Variants in CASP1 observed in about 807,000 individuals in gnomAD.
The protein encoded by CASP1 is caspase 1.
Under a neutral mutation model 41.2 loss-of-function variants are expected in CASP1, and 31 were observed. That is an observed-to-expected ratio of 0.75 (90% CI 0.57 to 1.02). The LOEUF (loss-of-function observed/expected upper bound fraction) is 1.02, where lower values mean the gene tolerates loss of function less well. Among genes scored for constraint, CASP1 ranks in the 50% least tolerant of loss-of-function variants. CASP1 has a pLI of 0.00. For missense variants in CASP1, 490 were observed against 495.7 expected, an observed-to-expected ratio of 0.99 and a Z score of 0.11; for synonymous variants, 163 against 166.5, an observed-to-expected ratio of 0.98 and a Z score of 0.16.
intron 6 of CASP1, 128 bp from the exon 7 acceptor site, chr11:105,029,395 G>T (rs1453676365): frequency 1.1e-5 from 8 of 745,788 alleles, no homozygotes; most frequent in African/African-American, 1.8e-5. Context: ...ATAGACACAT[G>T]CATTTCAGTT....
At chr11:105,030,066 T>C (rs1215442123) in intron 5 of CASP1, among the ~76,000 whole-genome samples, 167 bp from the exon 6 acceptor site, 1 of 152,138 alleles carries the variant, frequency 6.6e-6, no homozygotes, top group Non-Finnish European at 1.5e-5. Flanking sequence ...AGGAAAGTGT[T>C]ATAGGAAGTC....
rs537413506 is a variant in CASP1, at chr11:105,027,728, A to C, written c.1007-777T>G. Among the ~76,000 whole-genome samples, 3 of 152,228 alleles carry C rather than the reference A, an allele frequency of 2.0e-5. No individual in the cohort carries two copies. The South Asian group carries it at 6.2e-4, about 32-fold the overall frequency. On this transcript the variant is annotated intron_variant, in intron 7 of 8. Transcript: ENST00000533400. ...CTATCTCAGCTAAATGAAGCCTTTA[A>C]CTGAGACTTGTTCTAGTAAAAGGAA... is the stretch of plus-strand genomic sequence containing the variant.
intron 4 of CASP1, 96 bp downstream of exon 4, chr11:105,031,069 T>G (rs929788371): frequency 2.8e-6 from 2 of 723,390 alleles, no homozygotes; most frequent in Non-Finnish European, 5.1e-6. Context: ...CCAGAACTGC[T>G]CAATGAGGTT....
intron 5 of CASP1, 130 bp from the exon 6 acceptor site, chr11:105,030,029 A>C (rs2134831205): frequency 1.4e-6 from 1 of 735,268 alleles, no homozygotes; most frequent in Non-Finnish European, 2.2e-6. Flanking sequence ...CCAAAAAAAA[A>C]TTTAGTCTTA....
In CASP1 at chr11:105,029,697, G is replaced by T; in HGVS notation, c.830C>A (p.Pro277Gln). 1 of 1,613,458 alleles carries T rather than the reference G, an allele frequency of 6.2e-7. No individual in the cohort carries two copies. The highest frequency in any genetic ancestry group is 8.5e-7 in the Non-Finnish European group (1 of 1,179,630). The change falls in exon 6 of 9, where the codon CCG becomes CAG. Residue 277 changes from proline to glutamine, a missense_variant. By Grantham distance (76) the Pro-to-Gln change is moderately conservative. Coordinates refer to ENST00000533400, the MANE Select transcript of CASP1 (RefSeq NM_001257118.3). ...GCAGGCCTGGATGATGATCACCTTCGGTTTGTCCTTCAAACTTGGGCAGTT... is the reference window on the plus strand; with the variant it reads ...GCAGGCCTGGATGATGATCACCTTCTGTTTGTCCTTCAAACTTGGGCAGTT... ...TKNCPSLKDK[P>Q]KVIIIQACRG...
At chr11:105,035,618 G>GTTTTTTTTTTTTGTTTTTTTTTTT (rs1555005465), upstream of CASP1, among the ~76,000 whole-genome samples, 1 of 103,438 alleles carries the variant, frequency 9.7e-6, no homozygotes, top group Non-Finnish European at 1.8e-5. Flanking sequence ...TTTTCTTTCT[G>GTTTTTTTTTTTTGTTTTTTTTTTT]TTTTTTTTTT....
intron 3 of CASP1, among the ~76,000 whole-genome samples, chr11:105,031,532 G>C (rs2134843640): frequency 6.6e-6 from 1 of 152,198 alleles, no homozygotes; most frequent in East Asian, 1.9e-4. Context: ...AAGCATTTTA[G>C]ATACTAACAT....
rs60332715 is a variant in CASP1, at chr11:105,025,621, TA to T, written c.*636del. 4.4e-3 allele frequency: 1,480 copies of T among 337,874 alleles called. 3 individuals carry two copies. The highest frequency in any genetic ancestry group is 0.019 in the Middle Eastern group (39 of 2,034). 20.9% of individuals were successfully genotyped at this position (337,874 alleles called of 1,614,324 possible). ...ACTTCCTATGAGAAAAAGAAATAAT[TA>T]AAAAAAAAAACATAGGAAAGAATTT... On this transcript the variant is annotated 3_prime_UTR_variant, in exon 9 of 9. Transcript: ENST00000533400.
intron 4 of CASP1, 46 bp downstream of exon 4, chr11:105,031,119 A>G (rs1246648009): frequency 2.8e-6 from 3 of 1,072,070 alleles, no homozygotes; most frequent in Non-Finnish European, 4.4e-6. Context: ...AACTGCCTGA[A>G]GTGTTTCTTT....
chr11:105,033,190 T>C, intron 2 of CASP1, 64 bp from the exon 3 acceptor site: 1 of 864,788 alleles, frequency 1.2e-6, no homozygotes, highest in South Asian at 1.4e-5. Context: ...TACCCCAATC[T>C]GTAAAACACT....
At chr11:105,034,564 A>G in intron 1 of CASP1, 90 bp from the exon 2 acceptor site, 2 of 1,571,698 alleles carry the variant, frequency 1.3e-6, no homozygotes, top group Non-Finnish European at 1.7e-6. Context: ...TTTAGATTTC[A>G]TCAGTGAAAT....
chr11:105,025,635 T>C lies in CASP1; in HGVS notation c.*623A>G, dbSNP rs1278528282. The C allele has an allele frequency of 2.6e-6, 1 of 380,578 alleles. No homozygotes were observed. Among genetic ancestry groups the C allele is most frequent in the East Asian group, 7.9e-5 (1 of 12,656 alleles). The allele number at this position is 380,578 out of a possible 1,614,324, so 23.6% of individuals were successfully genotyped here. ...AAAGAAATAATTAAAAAAAAAAACA[T>C]AGGAAAGAATTTTGTTAAAGACATG... On this transcript the variant is annotated 3_prime_UTR_variant, in exon 9 of 9. Coordinates refer to ENST00000533400, the MANE Select transcript of CASP1 (RefSeq NM_001257118.3).
chr11:105,026,590 T>TA, intron 8 of CASP1: 1 of 601,288 alleles, frequency 1.7e-6, no homozygotes, highest in Non-Finnish European at 2.9e-6. Context: ...ACAGGTAAAT[T>TA]AGAGTCCATT....
intron 8 of CASP1, 32 bp from the exon 9 acceptor site, chr11:105,026,388 T>A: frequency 7.0e-7 from 1 of 1,429,374 alleles, no homozygotes; most frequent in South Asian, 1.2e-5. Context: ...GTAGCCCTTT[T>A]TTTTGCTGAG....
intron 1 of CASP1, 96 bp from the exon 2 acceptor site, chr11:105,034,570 G>A: frequency 1.3e-6 from 2 of 1,564,156 alleles, no homozygotes; most frequent in Non-Finnish European, 1.7e-6. Context: ...TTTCATCAGT[G>A]AAATGTCCCC....
Position 105,034,207 on chromosome 11 carries a change from C to T in CASP1, c.274+1G>A, listed in dbSNP as rs1220660380. The T allele has an allele frequency of 6.2e-7, 1 of 1,614,072 alleles. No homozygotes were observed. Among genetic ancestry groups the T allele is most frequent in the South Asian group, 1.1e-5 (1 of 91,084 alleles). On this transcript the variant is annotated splice_donor_variant, in intron 2 of 8. Coordinates refer to ENST00000533400, the MANE Select transcript of CASP1 (RefSeq NM_001257118.3). LOFTEE classifies it high-confidence loss of function. The stretch of plus-strand genomic sequence containing the variant: ...CTTGAGTGTAAGTCACTGACCCTTA[C>T]CTGCTGAGAGTCCCAGCGTCCCTGC...
intron 7 of CASP1, 36 bp downstream of exon 7, chr11:105,029,088 G>T: frequency 6.3e-7 from 1 of 1,590,144 alleles, no homozygotes; most frequent in South Asian, 1.1e-5. Context: ...TCTATTGATA[G>T]CCCCAACAAA....
chr11:105,030,160 C>G (rs998397126), intron 5 of CASP1, among the ~76,000 whole-genome samples, 170 bp downstream of exon 5: 18 of 152,118 alleles, frequency 1.2e-4, no homozygotes, highest in African/African-American at 3.6e-4. Context: ...GCTTGTGCTG[C>G]ATGACTCTTA....
At chr11:105,029,050 C>G (rs1317668861) in intron 7 of CASP1, 74 bp downstream of exon 7, 1 of 1,384,024 alleles carries the variant, frequency 7.2e-7, no homozygotes, top group African/African-American at 1.5e-5. Flanking sequence ...TTGTTAATCA[C>G]CACCTCTAGT....
Sources: allele counts gnomAD v4.1 joint callset (sites outside exome capture counted in the v4.1 genomes callset), GRCh38; gene constraint gnomAD v4.1.1; transcripts MANE v1.5; gene names NCBI Gene and HGNC (gene_info 2026-07-23, HGNC 2026-07-21).